LIPI: variants seen among roughly 807,000 people sequenced by gnomAD.
LIPI encodes the protein lipase member I.
LIPI carries 59 observed loss-of-function variants against 50.6 expected under a neutral mutation model. That is an observed-to-expected ratio of 1.16 (90% confidence interval 0.94 to 1.45). The LOEUF (loss-of-function observed/expected upper bound fraction) is 1.45. Ranked by LOEUF, LIPI falls within the 40% of genes most tolerant of loss-of-function variation. LIPI has a pLI of 0.00. For missense variants in LIPI, 586 were observed against 536.3 expected (o/e 1.09, Z -0.92); for synonymous variants, 203 against 178.2 (o/e 1.14, Z -1.11).
intron 9 of LIPI, among the ~76,000 whole-genome samples, chr21:14,128,137 C>CA (rs1171946625): frequency 6.6e-6 from 1 of 151,966 alleles, no homozygotes; most frequent in African/African-American, 2.4e-5. Flanking sequence ...TACACACAGA[C>CA]ACTGTGTCAT....
intron 1 of LIPI, among the ~76,000 whole-genome samples, chr21:14,196,273 G>T (rs1243427628): frequency 6.6e-6 from 1 of 151,730 alleles, no homozygotes; most frequent in Admixed American, 6.6e-5. Flanking sequence ...AAACTTTGAT[G>T]AATCACAAAA....
At chr21:14,187,664 T>C (rs929197039) in intron 2 of LIPI, among the ~76,000 whole-genome samples, 2 of 152,150 alleles carry the variant, frequency 1.3e-5, no homozygotes, top group Admixed American at 1.3e-4. Flanking sequence ...AGTCTGTTGG[T>C]GGAGATGGTT....
chr21:14,176,141 G>A (rs1171297707), intron 4 of LIPI, among the ~76,000 whole-genome samples: 3 of 146,360 alleles, frequency 2.0e-5, no homozygotes, highest in East Asian at 2.0e-4. Flanking sequence ...TCGCGCCACT[G>A]CACTCCAGCC....
chr21:14,153,100 G>A (rs770322135), intron 7 of LIPI, among the ~76,000 whole-genome samples: 49 of 152,144 alleles, frequency 3.2e-4, no homozygotes, highest in Admixed American at 5.2e-4. Context: ...CTTGCCAAAC[G>A]TAAGTCCTAA....
At chr21:14,169,818 G>T (rs1410790041) in intron 4 of LIPI, among the ~76,000 whole-genome samples, 9 of 152,060 alleles carry the variant, frequency 5.9e-5, no homozygotes, top group Non-Finnish European at 2.9e-5. Flanking sequence ...AAAAGCAAGA[G>T]CAAACACATT....
chr21:14,166,496 G>T (rs1041436816), intron 4 of LIPI, 45 bp from the exon 5 acceptor site: 1 of 988,820 alleles, frequency 1.0e-6, no homozygotes, highest in Non-Finnish European at 1.6e-6. Flanking sequence ...ATATAATCAG[G>T]TGAGTATCTT....
rs78186842 is a variant in LIPI, at chr21:14,114,177, C to CAAA, written c.1296-5100_1296-5098dup. Among the ~76,000 whole-genome samples the CAAA allele has an allele frequency of 3.0e-3, 389 of 127,842 alleles. 4 individuals carry two copies. The highest frequency in any genetic ancestry group is 0.01 in the African/African-American group (334 of 32,840). 83.9% of individuals were successfully genotyped at this position (127,842 alleles called of 152,430 possible). ...TGGGCAACAGGGCAAGACTCTGTCT[C>CAAA]AAAAAAAAAAAAAAAAGTTCTGATC... On this transcript the variant is annotated intron_variant, in intron 9 of 9. Transcript: ENST00000681601.
chr21:14,166,465 C>T lies in LIPI; in HGVS notation c.644-14G>A. The T allele has an allele frequency of 1.4e-6, 2 of 1,415,558 alleles. No individual in the cohort carries two copies. Among genetic ancestry groups the T allele is most frequent in the Non-Finnish European group, 2.0e-6 (2 of 999,346 alleles). 87.7% of individuals were successfully genotyped at this position (1,415,558 alleles called of 1,614,324 possible). ...GAATGCCTAAACCTGAGAAGAAAGG[C>T]ACCCAAGAATCACAACATGTATATA... On this transcript the variant is annotated splice_polypyrimidine_tract_variant and intron_variant, in intron 4 of 9. Transcript: ENST00000681601.
Position 14,175,906 on chromosome 21 carries a change from C to T in LIPI, c.643+5852G>A, listed in dbSNP as rs201416789. ...AAAGAAGGCACAAGTGGGCCGGGCG[C>T]GGTGGCTCAAGTCTGTAATCCCAGC... On this transcript the variant is annotated intron_variant, in intron 4 of 9. Transcript: ENST00000681601. 2.6e-5 allele frequency among the ~76,000 whole-genome samples: 4 copies of T among 152,038 alleles called. No homozygotes were observed. The East Asian group carries it at 5.8e-4, about 22-fold the overall frequency.
At chr21:14,209,164 A>G (rs1357178933) in intron 1 of LIPI, among the ~76,000 whole-genome samples, 1 of 152,248 alleles carries the variant, frequency 6.6e-6, no homozygotes, top group Non-Finnish European at 1.5e-5. Context: ...GCATATATGC[A>G]TATAATTTGA....
intron 7 of LIPI, among the ~76,000 whole-genome samples, chr21:14,155,154 A>T (rs2018230565): frequency 6.6e-6 from 1 of 152,078 alleles, no homozygotes; most frequent in African/African-American, 2.4e-5. Flanking sequence ...CGTGCAATGA[A>T]TAGTGCATTG....
chr21:14,209,706 C>T (rs1237623973), intron 1 of LIPI, among the ~76,000 whole-genome samples: 1 of 151,948 alleles, frequency 6.6e-6, no homozygotes, highest in East Asian at 1.9e-4. Flanking sequence ...AAATACTAAT[C>T]AAAACAATAA....
intron 1 of LIPI, among the ~76,000 whole-genome samples, chr21:14,199,509 A>T (rs1304353697): frequency 6.6e-6 from 1 of 151,982 alleles, no homozygotes; most frequent in East Asian, 1.9e-4. Flanking sequence ...AAATTCCTGG[A>T]CAAATACATC....
At position 14,141,033 on chromosome 21, in the gene LIPI, T is replaced by C. The variant is rs906706836; in HGVS notation, c.1295+3590A>G. Among the ~76,000 whole-genome samples, 3 of 152,188 alleles carry C rather than the reference T, an allele frequency of 2.0e-5. No homozygotes were observed. The East Asian group carries it at 5.8e-4, about 29-fold the overall frequency. ...TTTTTGAATATTTGCAGAATTCTCTTCATCATCAAAGTTTTAAAATAAAAT... is the reference window on the plus strand; with the variant it reads ...TTTTTGAATATTTGCAGAATTCTCTCCATCATCAAAGTTTTAAAATAAAAT... On this transcript the variant is annotated intron_variant, in intron 9 of 9. Transcript: ENST00000681601.
chr21:14,165,085 C>T lies in LIPI; in HGVS notation c.901+138G>A, dbSNP rs1412693084. On this transcript the variant is annotated intron_variant, in intron 6 of 9. Transcript: ENST00000681601. ...GAAATATTTACTCTGTACCACATCT[C>T]TACAGATGATTTTTCCATAAAATGG... The T allele has an allele frequency of 2.2e-5, 15 of 670,074 alleles. No homozygotes were observed. In the South Asian group the frequency reaches 2.5e-4, roughly 11 times the overall value. 41.5% of individuals were successfully genotyped at this position (670,074 alleles called of 1,614,324 possible).
intron 8 of LIPI, among the ~76,000 whole-genome samples, chr21:14,149,829 G>T (rs1286419654): frequency 6.6e-6 from 1 of 152,178 alleles, no homozygotes; most frequent in African/African-American, 2.4e-5. Context: ...GCTTTAGGCA[G>T]CTCCACCCCT....
intron 1 of LIPI, among the ~76,000 whole-genome samples, chr21:14,197,128 A>T (rs1342277096): frequency 6.6e-6 from 1 of 151,724 alleles, no homozygotes; most frequent in Non-Finnish European, 1.5e-5. Flanking sequence ...ACAAAAATAC[A>T]GAGCATAAGA....
chr21:14,194,245 G>A (rs1372306928), intron 1 of LIPI, among the ~76,000 whole-genome samples: 3 of 152,040 alleles, frequency 2.0e-5, no homozygotes, highest in African/African-American at 7.2e-5. Context: ...ATGGTATGGT[G>A]GCTCCTCAAA....
intron 9 of LIPI, among the ~76,000 whole-genome samples, chr21:14,143,344 C>T (rs1353925646): frequency 2.6e-5 from 4 of 152,120 alleles, no homozygotes; most frequent in Non-Finnish European, 5.9e-5. Flanking sequence ...ACAATTACTC[C>T]TAGATTTTTG....
Sources: gnomAD v4.1 joint callset for allele counts (sites outside exome capture counted in the v4.1 genomes callset) on GRCh38, gnomAD v4.1.1 for gene constraint, MANE v1.5 for transcripts, NCBI Gene and HGNC (gene_info 2026-07-23, HGNC 2026-07-21) for gene names.